DNAJC1: variants seen among roughly 807,000 people sequenced by gnomAD.
The protein encoded by DNAJC1 is DnaJ heat shock protein family (Hsp40) member C1, also known as dnaJ homolog subfamily C member 1.
In DNAJC1, 58 loss-of-function variants were observed where a neutral mutation model predicts 76.6. The observed-to-expected ratio is 0.76, with a 90% CI of 0.61 to 0.94. The LOEUF is 0.94. Among genes scored for constraint, DNAJC1 ranks in the 40% least tolerant of loss-of-function variants. The probability of loss-of-function intolerance (pLI) is 0.00; values close to 1 mark genes in which losing one functional copy is unlikely to be tolerated. For synonymous variants in DNAJC1, 258 were observed against 267.9 expected (o/e 0.96, Z 0.36); for missense variants, 689 against 677.3 (o/e 1.02, Z -0.19).
chr10:21,845,857 ATGCCC>A (rs1436810256), intron 8 of DNAJC1, among the ~76,000 whole-genome samples: 1 of 152,208 alleles, frequency 6.6e-6, no homozygotes, highest in African/African-American at 2.4e-5. Flanking sequence ...TCTTGGTAAT[ATGCCC>A]CCAGGAAGAA....
chr10:21,798,138 T>C (rs759075514), intron 9 of DNAJC1, among the ~76,000 whole-genome samples: 5 of 152,204 alleles, frequency 3.3e-5, no homozygotes, highest in Admixed American at 6.5e-5. Flanking sequence ...GTTACAAGTA[T>C]ACATTGCTAA....
At chr10:21,767,883 T>TGTGCTGGG (rs1834319379) in intron 9 of DNAJC1, among the ~76,000 whole-genome samples, 1 of 151,972 alleles carries the variant, frequency 6.6e-6, no homozygotes, top group Non-Finnish European at 1.5e-5. Flanking sequence ...TAATCCCAGC[T>TGTGCTGGG]ATTTGGGAGG....
chr10:21,996,818 A>G (rs537272991), intron 1 of DNAJC1, among the ~76,000 whole-genome samples: 1 of 152,356 alleles, frequency 6.6e-6, no homozygotes, highest in South Asian at 2.1e-4. Flanking sequence ...TAAACTATAC[A>G]TATCACAAAA....
At chr10:21,902,462 G>A (rs1455480612) in intron 7 of DNAJC1, among the ~76,000 whole-genome samples, 1 of 151,972 alleles carries the variant, frequency 6.6e-6, no homozygotes, top group East Asian at 1.9e-4. Flanking sequence ...ACACCACCAT[G>A]CCCAGCTAAT....
intron 3 of DNAJC1, among the ~76,000 whole-genome samples, chr10:21,922,914 T>C (rs1028391846): frequency 3.9e-5 from 6 of 152,010 alleles, no homozygotes; most frequent in African/African-American, 1.2e-4. Flanking sequence ...AATTCCCTAA[T>C]AGCACTCTTA....
chr10:21,835,141 C>A (rs947544346), intron 8 of DNAJC1, among the ~76,000 whole-genome samples: 1 of 152,268 alleles, frequency 6.6e-6, no homozygotes, highest in East Asian at 1.9e-4. Flanking sequence ...TCCAGAGGAA[C>A]GATCAGACAG....
chr10:21,962,414 C>A (rs1001555240), intron 1 of DNAJC1, among the ~76,000 whole-genome samples: 3 of 137,138 alleles, frequency 2.2e-5, no homozygotes, highest in Non-Finnish European at 4.6e-5. Flanking sequence ...ACTCTAAATT[C>A]TATTCTATCC....
intron 8 of DNAJC1, among the ~76,000 whole-genome samples, chr10:21,821,377 A>G (rs1835157133): frequency 6.6e-6 from 1 of 152,238 alleles, no homozygotes; most frequent in African/African-American, 2.4e-5. Context: ...ACATTATATT[A>G]TGATGGCTTC....
chr10:21,819,460 A>C (rs1275716586), intron 8 of DNAJC1, among the ~76,000 whole-genome samples: 1 of 151,566 alleles, frequency 6.6e-6, no homozygotes, highest in African/African-American at 2.4e-5. Flanking sequence ...TCACGCTTTG[A>C]AATTCAAAAT....
At chr10:21,902,694 C>A (rs1477933442) in intron 7 of DNAJC1, among the ~76,000 whole-genome samples, 1 of 152,244 alleles carries the variant, frequency 6.6e-6, no homozygotes, top group South Asian at 2.1e-4. Context: ...ATAGTTAACT[C>A]CGAAAGGAGC....
intron 10 of DNAJC1, among the ~76,000 whole-genome samples, chr10:21,761,336 G>T (rs979850534): frequency 6.6e-6 from 1 of 152,150 alleles, no homozygotes; most frequent in South Asian, 2.1e-4. Flanking sequence ...AGGCAGGGGG[G>T]ATCCCCTGAG....
chr10:21,944,878 G>A (rs893215173), intron 1 of DNAJC1, among the ~76,000 whole-genome samples: 2 of 152,178 alleles, frequency 1.3e-5, no homozygotes, highest in African/African-American at 4.8e-5. Flanking sequence ...ACTTGCATAA[G>A]CAAGGATACT....
intron 7 of DNAJC1, among the ~76,000 whole-genome samples, chr10:21,894,344 G>A (rs1836505717): frequency 6.6e-6 from 1 of 152,170 alleles, no homozygotes; most frequent in Non-Finnish European, 1.5e-5. Flanking sequence ...GCCAAGGCAA[G>A]TAGATCACTT....
At chr10:21,794,155 A>C (rs542592691) in intron 9 of DNAJC1, among the ~76,000 whole-genome samples, 11 of 151,926 alleles carry the variant, frequency 7.2e-5, no homozygotes, top group Non-Finnish European at 1.5e-4. Context: ...TTGTATTCCC[A>C]GCTATTTGAG....
At chr10:21,885,860 C>T (rs1196914692) in intron 7 of DNAJC1, among the ~76,000 whole-genome samples, 1 of 152,084 alleles carries the variant, frequency 6.6e-6, no homozygotes, top group East Asian at 1.9e-4. Context: ...ATTCATAGCG[C>T]TAAATGCCCA....
intron 8 of DNAJC1, among the ~76,000 whole-genome samples, chr10:21,853,834 C>T (rs938765171): frequency 5.3e-4 from 70 of 132,088 alleles, no homozygotes; most frequent in African/African-American, 2.0e-3. Context: ...ACTGGGGAAA[C>T]TGCTTTTCTG....
chr10:21,999,488 C>T (rs1838481195), intron 1 of DNAJC1, among the ~76,000 whole-genome samples: 3 of 134,452 alleles, frequency 2.2e-5, no homozygotes, highest in East Asian at 2.3e-4. Context: ...CGGAGTCTCG[C>T]TCTGTCGCCC....
At chr10:21,864,989 G>C (rs1413125384) in intron 8 of DNAJC1, among the ~76,000 whole-genome samples, 4 of 152,076 alleles carry the variant, frequency 2.6e-5, no homozygotes, top group Admixed American at 6.5e-5. Context: ...AATCTTTAGG[G>C]AGCTGAAAAT....
At chr10:21,889,158 G>A (rs146399221) in intron 7 of DNAJC1, among the ~76,000 whole-genome samples, 78 of 152,184 alleles carry the variant, frequency 5.1e-4, no homozygotes, top group African/African-American at 1.1e-3. Flanking sequence ...TTTCAATCAC[G>A]GCAGAAGGCA....
Sources: gnomAD v4.1 joint callset for allele counts (sites outside exome capture counted in the v4.1 genomes callset) on GRCh38, gnomAD v4.1.1 for gene constraint, MANE v1.5 for transcripts, NCBI Gene and HGNC (gene_info 2026-07-23, HGNC 2026-07-21) for gene names.